PHF21B: variants seen among roughly 807,000 people sequenced by gnomAD.
The protein encoded by PHF21B is PHD finger protein 21B, also known as PHD finger protein 4.
Under a neutral mutation model 62.2 loss-of-function variants are expected in PHF21B, and 22 were observed. The ratio of observed to expected loss-of-function variants is 0.35; its 90% confidence interval spans 0.25 to 0.51. The LOEUF is 0.51. Ranked by LOEUF, PHF21B falls within the 20% of genes least tolerant of loss-of-function variation. The probability of loss-of-function intolerance (pLI) is 0.97; values close to 1 mark genes in which losing one functional copy is unlikely to be tolerated. For missense variants in PHF21B, 701 were observed against 707.9 expected (o/e 0.99, Z 0.11); for synonymous variants, 341 against 314.7 (o/e 1.08, Z -0.88).
chr22:44,889,642 G>T, intron 9 of PHF21B, 118 bp downstream of exon 9: 1 of 1,280,054 alleles, frequency 7.8e-7, no homozygotes, highest in Non-Finnish European at 1.1e-6. Flanking sequence ...AGGCAGAACC[G>T]AAAGGCCTTC....
In PHF21B at chr22:44,888,022, C is replaced by T. The variant is rs757345073; in HGVS notation, c.1138G>A (p.Glu380Lys). Residue 380 changes from glutamate (E) to lysine (K), a missense_variant, in exon 10 of 13, where the codon GAG becomes AAG. Coordinates refer to ENST00000313237, the MANE Select transcript of PHF21B (RefSeq NM_138415.5). ...CPGAYHLSCL[E>K]PPLKTAPKGV... ...TTGGGCGCCGTCTTGAGGGGCGGCT[C>T]CAGGCAGCTGAGGTGGTAGGCCCCC... 7.7e-6 allele frequency: 12 copies of T among 1,566,254 alleles called. No homozygotes were observed. The highest frequency in any genetic ancestry group is 9.5e-6 in the Non-Finnish European group (11 of 1,156,332).
chr22:44,998,839 G>A (rs898024632), intron 2 of PHF21B, among the ~76,000 whole-genome samples: 5 of 152,084 alleles, frequency 3.3e-5, no homozygotes, highest in Admixed American at 6.6e-5. Context: ...AATCACGCCC[G>A]GTGCGTACAA....
chr22:44,921,711 T>A lies in PHF21B; in HGVS notation c.121-1221A>T, dbSNP rs1601601477. ...ACTCGCTCTGTTGCCCAGGTTGGAA[T>A]GTAGTGGCGTGATCTTGGCTCACTG... On this transcript the variant is annotated intron_variant, in intron 2 of 12. Coordinates refer to ENST00000313237, the MANE Select transcript of PHF21B (RefSeq NM_138415.5). 2.0e-5 allele frequency among the ~76,000 whole-genome samples: 3 copies of A among 151,286 alleles called. No homozygotes were observed. The East Asian group carries it at 5.8e-4, about 29-fold the overall frequency.
At chr22:44,904,405 A>G (rs1368063516) in intron 5 of PHF21B, among the ~76,000 whole-genome samples, 1 of 151,978 alleles carries the variant, frequency 6.6e-6, no homozygotes, top group East Asian at 1.9e-4. Flanking sequence ...TGGCAAAAGC[A>G]CAGTTCTTTT....
At position 44,985,858 on chromosome 22, in the gene PHF21B, TCACCATCACCAC is replaced by T. The variant is rs755798765; in HGVS notation, c.120+22675_120+22686del. On this transcript the variant is annotated intron_variant, in intron 2 of 12. Transcript: ENST00000313237. ...ACCACCGCCACTACCATCACAATGA[TCACCATCACCAC>T]CACCATCACCAGCAGCACCACCACC... 1.5e-3 allele frequency among the ~76,000 whole-genome samples: 228 copies of T among 151,278 alleles called. 1 individual carries two copies. Among genetic ancestry groups the T allele is most frequent in the Admixed American group, 5.4e-3 (82 of 15,188 alleles).
intron 2 of PHF21B, among the ~76,000 whole-genome samples, chr22:44,942,914 A>C (rs1412249278): frequency 6.6e-6 from 1 of 151,464 alleles, no homozygotes. Context: ...GAAGCGTGTG[A>C]CTCAGTGAAG....
At chr22:44,902,068 G>A (rs2071169528) in intron 5 of PHF21B, 1 of 224,730 alleles carries the variant, frequency 4.4e-6, no homozygotes, top group East Asian at 1.2e-4. Context: ...CGGTTCTCCT[G>A]AAGAGCTGGG....
intron 2 of PHF21B, among the ~76,000 whole-genome samples, chr22:45,003,992 C>G (rs530227399): frequency 8.5e-5 from 13 of 152,164 alleles, no homozygotes; most frequent in Admixed American, 5.2e-4. Flanking sequence ...CATATATACA[C>G]ACACACATAG....
chr22:44,913,119 C>T (rs562356399), intron 5 of PHF21B, among the ~76,000 whole-genome samples: 2 of 152,240 alleles, frequency 1.3e-5, no homozygotes, highest in African/African-American at 4.8e-5. Context: ...TATTTGGATG[C>T]TTCAATATGA....
intron 2 of PHF21B, among the ~76,000 whole-genome samples, chr22:44,932,997 C>T (rs1215368710): frequency 1.3e-5 from 2 of 152,268 alleles, no homozygotes; most frequent in Admixed American, 1.3e-4. Flanking sequence ...AAGGGGGCCC[C>T]GCATTCTAAC....
intron 2 of PHF21B, among the ~76,000 whole-genome samples, chr22:44,978,142 T>A (rs2072772842): frequency 6.6e-6 from 1 of 152,176 alleles, no homozygotes; most frequent in Non-Finnish European, 1.5e-5. Flanking sequence ...ATAATTTCTC[T>A]ATGGGAAATA....
chr22:44,971,231 C>T (rs1321544738), intron 2 of PHF21B: 2 of 152,230 alleles, frequency 1.3e-5, no homozygotes, highest in South Asian at 2.1e-4. Context: ...ATCATGGGCC[C>T]CTGGCGTGGC....
At chr22:44,980,656 G>A (rs945902657) in intron 2 of PHF21B, among the ~76,000 whole-genome samples, 1 of 152,182 alleles carries the variant, frequency 6.6e-6, no homozygotes, top group Non-Finnish European at 1.5e-5. Context: ...TACAAGTCAA[G>A]CCACTGCCTC....
intron 8 of PHF21B, among the ~76,000 whole-genome samples, chr22:44,890,959 G>T (rs370813428): frequency 6.6e-6 from 1 of 152,242 alleles, no homozygotes; most frequent in Non-Finnish European, 1.5e-5. Flanking sequence ...CAGCCCAGGG[G>T]TATCAGAGGC....
At chr22:44,962,262 C>G (rs779846044) in intron 2 of PHF21B, among the ~76,000 whole-genome samples, 4 of 152,144 alleles carry the variant, frequency 2.6e-5, no homozygotes, top group African/African-American at 9.7e-5. Context: ...TCTCTGCAGC[C>G]TCACATAACT....
intron 2 of PHF21B, chr22:44,989,003 G>A (rs1481331051): frequency 6.6e-6 from 1 of 152,150 alleles, no homozygotes; most frequent in Non-Finnish European, 1.5e-5. Context: ...TTATGAGGGT[G>A]TAGCCCTGGG....
In PHF21B at chr22:44,883,229, G is replaced by A; in HGVS notation, c.1453C>T (p.Leu485Phe). 5 of 1,613,940 alleles carry A rather than the reference G, an allele frequency of 3.1e-6. No homozygotes were observed. The highest frequency in any genetic ancestry group is 3.4e-6 in the Non-Finnish European group (4 of 1,179,986). ...TQSSLDRLRA[L>F]LRLIQGEQLL... Reference sequence around the variant, plus strand: ...TGCTCGCCCTGTATCAGTCTCAGGAGGGCCCGCAGGCGGTCCAGGGATGAC... The same window carrying A: ...TGCTCGCCCTGTATCAGTCTCAGGAAGGCCCGCAGGCGGTCCAGGGATGAC... Residue 485 changes from leucine (L) to phenylalanine (F), a missense_variant, in exon 13 of 13, where the codon CTC (leucine) becomes TTC (phenylalanine). Transcript: ENST00000313237.
At chr22:44,971,947 G>T (rs1259724035) in intron 2 of PHF21B, among the ~76,000 whole-genome samples, 1 of 152,204 alleles carries the variant, frequency 6.6e-6, no homozygotes, top group Non-Finnish European at 1.5e-5. Flanking sequence ...ACAGGCTCAG[G>T]GAGGTTAAGC....
intron 2 of PHF21B, among the ~76,000 whole-genome samples, chr22:44,945,347 G>A (rs190074768): frequency 6.6e-6 from 1 of 152,198 alleles, no homozygotes; most frequent in Non-Finnish European, 1.5e-5. Flanking sequence ...ATTTAACTCC[G>A]TCTGAGTGAC....
Sources: gnomAD v4.1 joint callset for allele counts (sites outside exome capture counted in the v4.1 genomes callset) on GRCh38, gnomAD v4.1.1 for gene constraint, MANE v1.5 for transcripts, NCBI Gene and HGNC (gene_info 2026-07-23, HGNC 2026-07-21) for gene names.